Variants in PMFBP1 observed in about 807,000 individuals in gnomAD.
PMFBP1 encodes the protein polyamine modulated factor 1 binding protein 1, also known as polyamine-modulated factor 1-binding protein 1.
A neutral mutation model predicts 137.8 loss-of-function variants in PMFBP1; 131 were observed. The observed-to-expected ratio is 0.95, with a 90% CI of 0.82 to 1.10. The LOEUF is 1.10. PMFBP1 is among the 50% of genes least tolerant of loss of function. PMFBP1 has a pLI of 0.00. For synonymous variants in PMFBP1, 490 were observed against 450.4 expected, an observed-to-expected ratio of 1.09 and a Z score of -1.11; for missense variants, 1,199 against 1,175.4, an observed-to-expected ratio of 1.02 and a Z score of -0.29.
chr16:72,213,206 G>GGT, the PMFBP1 span, among the ~76,000 whole-genome samples: 2 of 149,394 alleles, frequency 1.3e-5, no homozygotes, highest in African/African-American at 4.9e-5. Flanking sequence ...CCGGGGGGGG[G>GGT]TGGGGAAAGG....
chr16:72,150,784 C>T lies in PMFBP1; in HGVS notation c.460G>A (p.Gly154Arg). Residue 154 changes from glycine (G) to arginine (R), a missense_variant, in exon 5 of 21, where the codon GGG becomes AGG. Physicochemically the swap from Gly to Arg is moderately radical, Grantham distance 125. Transcript: ENST00000237353. Reference protein sequence around the residue: ...EEMGNHNENTGEKLHLAQEQL... With the variant: ...EEMGNHNENTREKLHLAQEQL... ...TCCTGCGCCAAATGGAGCTTCTCCC[C>T]TGTGTTCTCGTTGTGATTTCCCATT... 1 of 1,614,170 alleles carries T rather than the reference C, an allele frequency of 6.2e-7. No homozygotes were observed. The highest frequency in any genetic ancestry group is 8.5e-7 in the Non-Finnish European group (1 of 1,180,026).
chr16:72,118,339 C>T (rs1483680194), downstream of PMFBP1, among the ~76,000 whole-genome samples: 1 of 152,210 alleles, frequency 6.6e-6, no homozygotes, highest in Non-Finnish European at 1.5e-5. Flanking sequence ...ATGCCTGTCA[C>T]TCCTAGCTCA....
intron 5 of PMFBP1, among the ~76,000 whole-genome samples, chr16:72,147,402 AC>A (rs1448732252): frequency 2.0e-5 from 3 of 152,218 alleles, no homozygotes; most frequent in Non-Finnish European, 4.4e-5. Flanking sequence ...TAAATGTAAG[AC>A]CTAAAACCAT....
At chr16:72,142,327 A>T (rs2042736060) in intron 5 of PMFBP1, among the ~76,000 whole-genome samples, 1 of 152,234 alleles carries the variant, frequency 6.6e-6, no homozygotes, top group South Asian at 2.1e-4. Flanking sequence ...TAGAAGGAAT[A>T]GGAGAAATAT....
At position 72,128,901 on chromosome 16, in the gene PMFBP1, G is replaced by A. The variant is rs184953337; in HGVS notation, c.1951-107C>T. On this transcript the variant is annotated intron_variant, in intron 13 of 20. Transcript: ENST00000237353. ...TCACCCAGCTCTATCTCCACCCTGC[G>A]GGAGCTCAGGCATTCTCGCTCCCCT... 1.5e-3 allele frequency: 2,223 copies of A among 1,526,546 alleles called. 1 individual carries two copies. Among genetic ancestry groups the A allele is most frequent in the Non-Finnish European group, 1.9e-3 (2,086 of 1,125,500 alleles). The allele number at this position is 1,526,546 out of a possible 1,614,324, so 94.6% of individuals were successfully genotyped here. A position where few individuals can be genotyped will look rare whatever the true frequency, so the allele number is the denominator to read the frequency against.
chr16:72,159,965 A>G (rs2043037902), intron 3 of PMFBP1, among the ~76,000 whole-genome samples: 1 of 152,222 alleles, frequency 6.6e-6, no homozygotes, highest in Non-Finnish European at 1.5e-5. Flanking sequence ...GTGATTCTGG[A>G]GGCCATCTGG....
At chr16:72,157,655 C>T (rs531281811) in intron 3 of PMFBP1, among the ~76,000 whole-genome samples, 8 of 152,096 alleles carry the variant, frequency 5.3e-5, no homozygotes, top group South Asian at 2.1e-4. Flanking sequence ...TTTGGGGAGA[C>T]GAAAGGCCTT....
At chr16:72,118,665 T>TAA (rs1248916640), downstream of PMFBP1, among the ~76,000 whole-genome samples, 1 of 152,196 alleles carries the variant, frequency 6.6e-6, no homozygotes, top group Non-Finnish European at 1.5e-5. Flanking sequence ...TAGCTGTCCT[T>TAA]AGAGTTTGTC....
the PMFBP1 span, among the ~76,000 whole-genome samples, chr16:72,246,428 T>C: frequency 9.9e-5 from 15 of 152,006 alleles, no homozygotes; most frequent in Non-Finnish European, 2.2e-4. Flanking sequence ...ATATGACAAA[T>C]TCCAGACACC....
chr16:72,122,367 T>C (rs2042388728), intron 19 of PMFBP1, among the ~76,000 whole-genome samples: 1 of 152,154 alleles, frequency 6.6e-6, no homozygotes, highest in Non-Finnish European at 1.5e-5. Flanking sequence ...AAAATCTCAG[T>C]TTTAGGCCTT....
At chr16:72,235,789 G>T in the PMFBP1 span, among the ~76,000 whole-genome samples, 4 of 151,902 alleles carry the variant, frequency 2.6e-5, no homozygotes, top group African/African-American at 9.7e-5. Context: ...TTTTTGGATT[G>T]TTTATTGCTA....
intron 20 of PMFBP1, 125 bp downstream of exon 20, chr16:72,119,726 C>T: frequency 6.6e-7 from 1 of 1,511,864 alleles, no homozygotes; most frequent in South Asian, 1.4e-5. Context: ...GATCTTTGGT[C>T]CAAAGTCGCT....
In PMFBP1 at chr16:72,130,460, G is replaced by A. The variant is rs963526158; in HGVS notation, c.1637+73C>T. ...ATCCTTGCTCTCCCACGCCTGGGCA[G>A]CTGCCCACAGAGGGCCCGGCTGGGT... On this transcript the variant is annotated intron_variant, in intron 11 of 20. Transcript: ENST00000237353. The A allele has an allele frequency of 5.6e-6, 9 of 1,606,320 alleles. No individual in the cohort carries two copies. The Admixed American group carries it at 1.5e-4, about 27-fold the overall frequency.
chr16:72,248,186 T>C, the PMFBP1 span, among the ~76,000 whole-genome samples: 1 of 152,156 alleles, frequency 6.6e-6, no homozygotes, highest in Non-Finnish European at 1.5e-5. Context: ...GTACCAAAGA[T>C]GTTTGTTGAT....
the PMFBP1 span, among the ~76,000 whole-genome samples, chr16:72,249,343 A>G: frequency 6.6e-6 from 1 of 151,722 alleles, no homozygotes; most frequent in African/African-American, 2.4e-5. Flanking sequence ...AGGAGTATTT[A>G]CTATGGATCC....
chr16:72,137,951 A>T (rs1349830670), intron 7 of PMFBP1, among the ~76,000 whole-genome samples: 1 of 152,096 alleles, frequency 6.6e-6, no homozygotes, highest in East Asian at 1.9e-4. Context: ...ACTGTGCCAC[A>T]CTTGCCGAGG....
intron 3 of PMFBP1, among the ~76,000 whole-genome samples, chr16:72,161,728 T>C (rs1192118788): frequency 6.6e-6 from 1 of 152,200 alleles, no homozygotes; most frequent in African/African-American, 2.4e-5. Flanking sequence ...CTATGAACTA[T>C]ACTTTATTGG....
intron 5 of PMFBP1, among the ~76,000 whole-genome samples, chr16:72,143,161 C>T (rs35460163): frequency 0.29 from 43,352 of 151,972 alleles, 6,494 homozygotes; most frequent in South Asian, 0.41. Flanking sequence ...TAAATATAGA[C>T]AGTCATACTT....
chr16:72,117,628 A>G (rs983951722), downstream of PMFBP1, among the ~76,000 whole-genome samples: 3 of 152,160 alleles, frequency 2.0e-5, no homozygotes, highest in South Asian at 2.1e-4. Context: ...CATTGAGTAT[A>G]ATGTTTGTTC....
Sources: gnomAD v4.1 joint callset for allele counts (sites outside exome capture counted in the v4.1 genomes callset) on GRCh38, gnomAD v4.1.1 for gene constraint, MANE v1.5 for transcripts, NCBI Gene and HGNC (gene_info 2026-07-23, HGNC 2026-07-21) for gene names.